The following CCNDBP1 variants were observed in gnomAD, a reference collection of about 807,000 sequenced individuals.
The protein encoded by CCNDBP1 is cyclin-D1-binding protein 1.
In CCNDBP1, 45 loss-of-function variants were observed where a neutral mutation model predicts 46.2. The ratio of observed to expected loss-of-function variants is 0.97; its 90% CI spans 0.77 to 1.25. CCNDBP1 has a LOEUF of 1.25. Among genes scored for constraint, CCNDBP1 ranks in the 50% most tolerant of loss-of-function variants. The pLI is 0.00. For missense variants in CCNDBP1, 436 were observed against 442.1 expected, an observed-to-expected ratio of 0.99 and a Z score of 0.12; for synonymous variants, 154 against 163.6, an observed-to-expected ratio of 0.94 and a Z score of 0.45.
rs997529400 is a variant in CCNDBP1, at chr15:43,195,802, CAT to C, written c.*964_*965del. On this transcript the variant is annotated 3_prime_UTR_variant, in exon 11 of 11. Coordinates refer to ENST00000300213, the MANE Select transcript of CCNDBP1 (RefSeq NM_012142.5). ...TTCCTTTTGTAGGTGTAATTCATAA[CAT>C]ATGCCTTTCTGCTGTCTTTAGGTAT... is the stretch of plus-strand genomic sequence containing the variant. The C allele has an allele frequency of 6.6e-6, 1 of 152,204 alleles. No individual in the cohort carries two copies. The highest frequency in any genetic ancestry group is 1.5e-5 in the Non-Finnish European group (1 of 68,034). 9.4% of individuals were successfully genotyped at this position (152,204 alleles called of 1,614,324 possible).
chr15:43,191,926 AATTGCAG>A (rs1378023280), intron 8 of CCNDBP1, among the ~76,000 whole-genome samples: 5 of 152,148 alleles, frequency 3.3e-5, no homozygotes, highest in Non-Finnish European at 5.9e-5. Context: ...TTTGAGAGTA[AATTGCAG>A]ACAGCAATGA....
At chr15:43,194,046 CTTTTTTTTTT>C (rs748207621) in intron 9 of CCNDBP1, 10 of 50,292 alleles carry the variant, frequency 2.0e-4, no homozygotes, top group South Asian at 3.7e-4. Context: ...TCTTAATGCG[CTTTTTTTTTT>C]TTTTTTTTTT....
At chr15:43,187,781 A>G (rs1276907783) in intron 3 of CCNDBP1, among the ~76,000 whole-genome samples, 4 of 152,208 alleles carry the variant, frequency 2.6e-5, no homozygotes. Context: ...CTGATTTTCT[A>G]TACATGCTCA....
intron 5 of CCNDBP1, 54 bp downstream of exon 5, chr15:43,190,205 G>A: frequency 6.3e-7 from 1 of 1,597,178 alleles, no homozygotes; most frequent in Non-Finnish European, 8.6e-7. Context: ...GCCTCAGAGG[G>A]GAAAAGCTCA....
rs2042034226 is a variant in CCNDBP1 at position 43,196,069 on chromosome 15, A to AT, written c.*1234dup. The AT allele has an allele frequency of 6.6e-6, 1 of 152,116 alleles. No individual in the cohort carries two copies. 9.4% of individuals were successfully genotyped at this position (152,116 alleles called of 1,614,324 possible). On this transcript the variant is annotated 3_prime_UTR_variant, in exon 11 of 11. Transcript: ENST00000300213. ...TCTTTTATCCTTTCATATAGAGCCT[A>AT]TTTTTTATATACTTTTATATTTCTC...
chr15:43,190,592 T>G (rs1337774911), intron 6 of CCNDBP1, among the ~76,000 whole-genome samples, 194 bp downstream of exon 6: 1 of 152,170 alleles, frequency 6.6e-6, no homozygotes, highest in Non-Finnish European at 1.5e-5. Context: ...TAAATTCCAC[T>G]CCCCCTTGCT....
chr15:43,194,528 A>G, intron 10 of CCNDBP1, 67 bp downstream of exon 10: 2 of 1,275,796 alleles, frequency 1.6e-6, no homozygotes. Flanking sequence ...GACGTTCTCA[A>G]CTCCCTAGCT....
Position 43,186,223 on chromosome 15 carries a change from C to A in CCNDBP1, c.239C>A (p.Pro80Gln). ...LTIVFSQLPLPSPQETQKFCE... is the reference protein window; with the variant it reads ...LTIVFSQLPLQSPQETQKFCE... Reference sequence around the variant, plus strand: ...ATAGTCTTCTCTCAGCTTCCACTGCCGTCTCCACAGGTGGGCTTCACTTTC... The same window carrying A: ...ATAGTCTTCTCTCAGCTTCCACTGCAGTCTCCACAGGTGGGCTTCACTTTC... The change falls in exon 3 of 11, where the codon CCG becomes CAG. Residue 80 changes from proline to glutamine, a missense_variant. Pro to Gln is a moderately conservative substitution (Grantham distance 76, BLOSUM62 -1). Coordinates refer to ENST00000300213, the MANE Select transcript of CCNDBP1 (RefSeq NM_012142.5). The A allele has an allele frequency of 6.2e-7, 1 of 1,613,832 alleles. No homozygotes were observed. The highest frequency in any genetic ancestry group is 8.5e-7 in the Non-Finnish European group (1 of 1,179,744).
intron 3 of CCNDBP1, among the ~76,000 whole-genome samples, chr15:43,187,919 A>G (rs1387480768): frequency 6.6e-6 from 1 of 152,190 alleles, no homozygotes; most frequent in Non-Finnish European, 1.5e-5. Flanking sequence ...ATACACACAT[A>G]CATACACATG....
chr15:43,186,013 C>T, intron 2 of CCNDBP1, 134 bp downstream of exon 2: 3 of 1,159,322 alleles, frequency 2.6e-6, no homozygotes, highest in Non-Finnish European at 3.8e-6. Context: ...TTACCCACCT[C>T]AGCACCTGAG....
rs747779243 is a variant in CCNDBP1, at chr15:43,194,820, T to C, written c.1062T>C (p.Thr354=). The change falls in exon 11 of 11, where the codon ACT becomes ACC. Residue 354 remains threonine, a synonymous_variant. Coordinates refer to ENST00000300213, the MANE Select transcript of CCNDBP1 (RefSeq NM_012142.5). ...GCATGAATAGAATCAAGGAGCTCAC[T>C]CAGAGTGAACTTGAATTATGACTTT... ...DHCMNRIKEL[T]QSELEL 8.7e-6 allele frequency: 14 copies of C among 1,610,088 alleles called. No individual in the cohort carries two copies. The highest frequency in any genetic ancestry group is 1.1e-5 in the South Asian group (1 of 90,988).
At chr15:43,193,851 G>A (rs2041998959) in intron 9 of CCNDBP1, among the ~76,000 whole-genome samples, 1 of 151,746 alleles carries the variant, frequency 6.6e-6, no homozygotes, top group African/African-American at 2.4e-5. Context: ...ACATTTTTTT[G>A]GCATTAACTT....
chr15:43,188,691 A>G (rs2041892144), intron 3 of CCNDBP1: 1 of 152,428 alleles, frequency 6.6e-6, no homozygotes, highest in African/African-American at 2.4e-5. Context: ...CCCAATATCT[A>G]CTATATAGCT....
Position 43,189,077 on chromosome 15 carries a change from C to CAAA in CCNDBP1, c.250-97_250-95dup, listed in dbSNP as rs763476042. 549 of 151,700 alleles carry CAAA rather than the reference C, an allele frequency of 3.6e-3. 12 individuals carry two copies. Among genetic ancestry groups the CAAA allele is most frequent in the African/African-American group, 7.3e-3 (46 of 6,320 alleles). 9.4% of individuals were successfully genotyped at this position (151,700 alleles called of 1,614,324 possible). A position where few individuals can be genotyped will look rare whatever the true frequency, so the allele number is the denominator to read the frequency against. ...TGGGTGACAGAGTGAGACTCTGTCT[C>CAAA]AAAAAAAAAAAAAAAAAAAAAAAAA... On this transcript the variant is annotated intron_variant, in intron 3 of 10. Coordinates refer to ENST00000300213, the MANE Select transcript of CCNDBP1 (RefSeq NM_012142.5).
chr15:43,191,791 A>G (rs2041957445), intron 8 of CCNDBP1, 116 bp downstream of exon 8: 4 of 1,152,250 alleles, frequency 3.5e-6, no homozygotes, highest in Admixed American at 2.7e-5. Context: ...AACCTATAGG[A>G]AAGTTTAAAA....
chr15:43,189,977 G>C lies in CCNDBP1; in HGVS notation c.332-78G>C, dbSNP rs909888295. On this transcript the variant is annotated intron_variant, in intron 4 of 10. Transcript: ENST00000300213. The stretch of plus-strand genomic sequence containing the variant: ...TGGGTGTACATTACCTTATAGTTCT[G>C]TAATGCTTAGACTCAGGAAAGCAGA... The C allele has an allele frequency of 4.0e-6, 5 of 1,237,562 alleles. No homozygotes were observed. The East Asian group carries it at 1.2e-4, about 29-fold the overall frequency. 76.7% of individuals were successfully genotyped at this position (1,237,562 alleles called of 1,614,324 possible).
At chr15:43,186,325 G>T (rs2041836448) in intron 3 of CCNDBP1, 92 bp downstream of exon 3, 3 of 985,934 alleles carry the variant, frequency 3.0e-6, no homozygotes, top group Non-Finnish European at 4.7e-6. Context: ...CACGCCAGGA[G>T]ATTTCTTTTC....
chr15:43,190,942 G>A, intron 6 of CCNDBP1, 24 bp from the exon 7 acceptor site: 2 of 1,588,914 alleles, frequency 1.3e-6, no homozygotes, highest in Non-Finnish European at 1.7e-6. Context: ...TCTAATTCTA[G>A]TGCTTCTGAT....
At chr15:43,189,912 T>A (rs764552686) in intron 4 of CCNDBP1, 143 bp from the exon 5 acceptor site, 5 of 651,100 alleles carry the variant, frequency 7.7e-6, no homozygotes, top group African/African-American at 3.7e-5. Context: ...GGGATATAAG[T>A]AAGACCTGAG....
Sources: gnomAD v4.1 joint callset for allele counts (sites outside exome capture counted in the v4.1 genomes callset) on GRCh38, gnomAD v4.1.1 for gene constraint, MANE v1.5 for transcripts, NCBI Gene and HGNC (gene_info 2026-07-23, HGNC 2026-07-21) for gene names.